The following SP6 variants were observed in gnomAD, a reference collection of about 807,000 sequenced individuals.
SP6 encodes the protein Sp6 transcription factor.
A neutral mutation model predicts 23.4 loss-of-function variants in SP6; 10 were observed. The observed-to-expected ratio is 0.43, with a 90% confidence interval of 0.26 to 0.72. The LOEUF is 0.72. Among genes scored for constraint, SP6 ranks in the 30% least tolerant of loss-of-function variants. The pLI, the probability that SP6 is intolerant of heterozygous loss-of-function variation, is 0.23. For missense variants in SP6, 482 were observed against 523.8 expected (o/e 0.92, Z 0.78); for synonymous variants, 238 against 238.7 (o/e 1.00, Z 0.03).
upstream of SP6, among the ~76,000 whole-genome samples, chr17:47,857,179 G>T (rs2034003722): frequency 6.6e-6 from 1 of 152,098 alleles, no homozygotes; most frequent in Admixed American, 6.5e-5. Flanking sequence ...CCCCCTGGGG[G>T]AACCCAGGCA....
Position 47,846,902 on chromosome 17 carries a change from T to G in SP6, c.*397A>C, listed in dbSNP as rs1245248679. On this transcript the variant is annotated 3_prime_UTR_variant, in exon 2 of 2. Transcript: ENST00000536300. ...TCCTGGTTCCCAGGCGCTAAGGACG[T>G]GTCCAGACAGCCACCACCAGCGCCC... 1.7e-5 allele frequency: 3 copies of G among 181,482 alleles called. No homozygotes were observed. The highest frequency in any genetic ancestry group is 3.4e-5 in the Non-Finnish European group (3 of 88,082). 11.2% of individuals were successfully genotyped at this position (181,482 alleles called of 1,614,324 possible). A position where few individuals can be genotyped will look rare whatever the true frequency, so the allele number is the denominator to read the frequency against.
At position 47,848,433 on chromosome 17, in the gene SP6, C is replaced by A; in HGVS notation, c.-4G>T. On this transcript the variant is annotated 5_prime_UTR_variant, in exon 2 of 2. Coordinates refer to ENST00000536300, the MANE Select transcript of SP6 (RefSeq NM_001258248.2). The surrounding 1 kb of genome is among the most constrained non-coding windows in gnomAD (Gnocchi z 5.3). ...AGCCGCAGACAGCGGTTAGCATTGC[C>A]GGGATCCGGGGTGGGGTGAGGGCAG... The A allele has an allele frequency of 6.7e-7, 1 of 1,497,956 alleles. No individual in the cohort carries two copies. Among genetic ancestry groups the A allele is most frequent in the South Asian group, 1.3e-5 (1 of 75,040 alleles). The allele number at this position is 1,497,956 out of a possible 1,614,324, so 92.8% of individuals were successfully genotyped here.
chr17:47,859,086 A>C (rs928413324), upstream of SP6, among the ~76,000 whole-genome samples: 21 of 151,902 alleles, frequency 1.4e-4, no homozygotes, highest in African/African-American at 4.8e-4. Context: ...AATCATCCTA[A>C]AGTGCCACTC....
upstream of SP6, among the ~76,000 whole-genome samples, chr17:47,852,599 C>T (rs1018000515): frequency 6.6e-6 from 1 of 152,286 alleles, no homozygotes; most frequent in African/African-American, 2.4e-5. Context: ...CTCCCCCCCG[C>T]CATTGGTTTA....
chr17:47,856,265 A>C (rs2033998334), upstream of SP6, among the ~76,000 whole-genome samples: 1 of 152,046 alleles, frequency 6.6e-6, no homozygotes, highest in Admixed American at 6.6e-5. Context: ...CTCACTTCCC[A>C]ACTTGGATCC....
the SP6 span, among the ~76,000 whole-genome samples, chr17:47,865,815 C>T: frequency 6.6e-6 from 1 of 152,112 alleles, no homozygotes; most frequent in Non-Finnish European, 1.5e-5. Context: ...GTCATCAGGC[C>T]CCCATGCTGC....
upstream of SP6, chr17:47,855,945 A>G (rs1178065160): frequency 6.6e-6 from 1 of 152,306 alleles, no homozygotes; most frequent in Non-Finnish European, 1.5e-5. Flanking sequence ...CCTTCCGCAG[A>G]GTTGGCTGGG....
rs895890208 is a variant in SP6, at chr17:47,845,235, G to A, written c.*2064C>T. The A allele has an allele frequency of 4.6e-5, 7 of 152,160 alleles. No homozygotes were observed. Among genetic ancestry groups the A allele is most frequent in the African/African-American group, 1.7e-4 (7 of 41,430 alleles). 9.4% of individuals were successfully genotyped at this position (152,160 alleles called of 1,614,324 possible). ...GCTGTCTTGGTGGCACAGGGAAGGG[G>A]TGGCTGGTTTCGATGGGTGGAGGAG... On this transcript the variant is annotated 3_prime_UTR_variant, in exon 2 of 2. Coordinates refer to ENST00000536300, the MANE Select transcript of SP6 (RefSeq NM_001258248.2).
At position 47,848,925 on chromosome 17, in the gene SP6, G is replaced by A. The variant is rs1399239475; in HGVS notation, c.-57-439C>T. Among the ~76,000 whole-genome samples the A allele has an allele frequency of 6.6e-6, 1 of 152,186 alleles. No individual in the cohort carries two copies. Among genetic ancestry groups the A allele is most frequent in the Non-Finnish European group, 1.5e-5 (1 of 68,042 alleles). On this transcript the variant is annotated intron_variant, in intron 1 of 1. Transcript: ENST00000536300. The surrounding 1 kb of genome is among the most constrained non-coding windows in gnomAD (Gnocchi z 5.3). ...TTTAACTCAGGATACAGATGGGAGA[G>A]GGGATGGTCTATTTCTGAAACCCAA...
At chr17:47,857,465 C>G (rs997189351), upstream of SP6, among the ~76,000 whole-genome samples, 1 of 152,160 alleles carries the variant, frequency 6.6e-6, no homozygotes, top group African/African-American at 2.4e-5. Flanking sequence ...GCTTAGGTAG[C>G]AGGTCCAGTC....
At chr17:47,854,749 C>T (rs1340890771), upstream of SP6, among the ~76,000 whole-genome samples, 1 of 152,178 alleles carries the variant, frequency 6.6e-6, no homozygotes, top group East Asian at 1.9e-4. Flanking sequence ...CGTCCAAGCC[C>T]TCGTTTTACT....
At chr17:47,857,146 T>C (rs1466335771), upstream of SP6, among the ~76,000 whole-genome samples, 1 of 151,788 alleles carries the variant, frequency 6.6e-6, no homozygotes, top group Non-Finnish European at 1.5e-5. Context: ...TTAGGCAAAA[T>C]TGGGAGGACA....
chr17:47,858,767 C>CTTTTTTTTTTTTTTTTTTTTTTTT (rs36092685), upstream of SP6, among the ~76,000 whole-genome samples: 5 of 92,648 alleles, frequency 5.4e-5, 2 homozygotes, highest in African/African-American at 4.4e-5. Flanking sequence ...GATGAAGCAT[C>CTTTTTTTTTTTTTTTTTTTTTTTT]TTTTTTTTTT....
chr17:47,873,549 C>T, the SP6 span, among the ~76,000 whole-genome samples: 1 of 152,216 alleles, frequency 6.6e-6, no homozygotes, highest in Non-Finnish European at 1.5e-5. Context: ...CTCTAACTTG[C>T]TGGGTAATCT....
At chr17:47,851,605 G>A (rs1226833928), upstream of SP6, among the ~76,000 whole-genome samples, 1 of 152,176 alleles carries the variant, frequency 6.6e-6, no homozygotes, top group African/African-American at 2.4e-5. Context: ...GAACTGGGAG[G>A]AAAGAAGGAA....
chr17:47,867,986 G>A, the SP6 span, among the ~76,000 whole-genome samples: 1 of 151,928 alleles, frequency 6.6e-6, no homozygotes, highest in African/African-American at 2.4e-5. Flanking sequence ...CACACACATA[G>A]AGCCTCCACC....
chr17:47,867,146 C>T, the SP6 span, among the ~76,000 whole-genome samples: 1 of 152,156 alleles, frequency 6.6e-6, no homozygotes, highest in African/African-American at 2.4e-5. Flanking sequence ...ATCGCGCTGC[C>T]CCAGTGAGGG....
At position 47,848,295 on chromosome 17, in the gene SP6, G is replaced by T; in HGVS notation, c.135C>A (p.Ser45=). The change falls in exon 2 of 2, where the codon TCC becomes TCA. Residue 45 remains serine, a synonymous_variant. Coordinates refer to ENST00000536300, the MANE Select transcript of SP6 (RefSeq NM_001258248.2). This position sits in a 1 kb window ranked among gnomAD's most constrained non-coding sequence, Gnocchi z 5.3. The part of the protein sequence containing the change: ...HTSPEAGDYP[S]PLQPGELQSL... ...TCTGCAGCTCTCCAGGCTGCAGCGG[G>T]GAGGGGTAGTCCCCGGCCTCAGGGC... 1 of 1,612,410 alleles carries T rather than the reference G, an allele frequency of 6.2e-7. No individual in the cohort carries two copies. The highest frequency in any genetic ancestry group is 8.5e-7 in the Non-Finnish European group (1 of 1,179,452).
chr17:47,873,698 A>C, the SP6 span, among the ~76,000 whole-genome samples: 1 of 152,154 alleles, frequency 6.6e-6, no homozygotes, highest in Non-Finnish European at 1.5e-5. Context: ...TCCTTGAGCC[A>C]AATGCTCTGC....
Sources: gnomAD v4.1 joint callset for allele counts (sites outside exome capture counted in the v4.1 genomes callset) on GRCh38, gnomAD v4.1.1 for gene constraint, Gnocchi (gnomAD v3.1) non-coding constraint, MANE v1.5 for transcripts, NCBI Gene and HGNC (gene_info 2026-07-23, HGNC 2026-07-21) for gene names.